The following PCDH15 variants were observed in gnomAD, a reference collection of about 807,000 sequenced individuals.
PCDH15 encodes the protein protocadherin related 15, also known as protocadherin-15.
Under a neutral mutation model 178.5 loss-of-function variants are expected in PCDH15, and 129 were observed. The observed-to-expected ratio is 0.72, with a 90% CI of 0.63 to 0.84. The LOEUF (loss-of-function observed/expected upper bound fraction) is 0.84, where lower values mean the gene tolerates loss of function less well. Among genes scored for constraint, PCDH15 ranks in the 40% least tolerant of loss-of-function variants. The pLI, the probability that PCDH15 is intolerant of heterozygous loss-of-function variation, is 0.00. For missense variants in PCDH15, 2,230 were observed against 2,099.9 expected, an observed-to-expected ratio of 1.06 and a Z score of -1.21; for synonymous variants, 800 against 732.0, an observed-to-expected ratio of 1.09 and a Z score of -1.50.
At chr10:54,996,413 C>G (rs1281141836) in intron 2 of PCDH15, among the ~76,000 whole-genome samples, 1 of 152,084 alleles carries the variant, frequency 6.6e-6, no homozygotes, top group African/African-American at 2.4e-5. Flanking sequence ...AGGAAAACAC[C>G]CTGGCTGTTT....
chr10:55,436,680 C>T (rs1839047248), intron 2 of PCDH15, among the ~76,000 whole-genome samples: 3 of 151,600 alleles, frequency 2.0e-5, no homozygotes, highest in Admixed American at 2.0e-4. Flanking sequence ...ATAAATCTAC[C>T]GATATTAATT....
intron 13 of PCDH15, among the ~76,000 whole-genome samples, chr10:54,157,364 A>G (rs2045267325): frequency 6.6e-6 from 1 of 152,186 alleles, no homozygotes. Context: ...TGCAGGCTCA[A>G]CACCATGTGG....
chr10:54,584,618 T>C (rs2091317226), intron 2 of PCDH15, among the ~76,000 whole-genome samples: 1 of 152,092 alleles, frequency 6.6e-6, no homozygotes, highest in African/African-American at 2.4e-5. Flanking sequence ...TTCAATAATT[T>C]GTTTTTCTCT....
At chr10:54,626,357 C>G (rs931052848) in intron 2 of PCDH15, among the ~76,000 whole-genome samples, 11 of 152,160 alleles carry the variant, frequency 7.2e-5, no homozygotes, top group African/African-American at 2.4e-4. Flanking sequence ...CCTTATACCA[C>G]AGGCCTGGAA....
At chr10:54,961,786 C>T (rs747658739) in intron 2 of PCDH15, among the ~76,000 whole-genome samples, 10 of 152,034 alleles carry the variant, frequency 6.6e-5, no homozygotes, top group Non-Finnish European at 1.2e-4. Context: ...TCTACTCTCA[C>T]TGGGACAACC....
At chr10:54,548,891 T>A (rs1434808061) in intron 2 of PCDH15, among the ~76,000 whole-genome samples, 5 of 151,204 alleles carry the variant, frequency 3.3e-5, no homozygotes, top group Admixed American at 3.3e-4. Context: ...TAATTGCTAG[T>A]GCTAGAATTT....
At chr10:55,600,985 G>A (rs979890792) in intron 2 of PCDH15, among the ~76,000 whole-genome samples, 1 of 151,992 alleles carries the variant, frequency 6.6e-6, no homozygotes, top group African/African-American at 2.4e-5. Context: ...CCTCACTTGA[G>A]GTCTGTGGGT....
intron 28 of PCDH15, among the ~76,000 whole-genome samples, chr10:53,856,114 G>T (rs181225400): frequency 1.3e-5 from 2 of 151,212 alleles, no homozygotes; most frequent in Non-Finnish European, 2.9e-5. Context: ...AATGGAGTTT[G>T]GGGACTCAGG....
chr10:55,089,058 G>A (rs558883640), intron 2 of PCDH15, among the ~76,000 whole-genome samples: 2 of 152,238 alleles, frequency 1.3e-5, no homozygotes, highest in South Asian at 2.1e-4. Flanking sequence ...TTAGCCTGGT[G>A]AAATATGAAG....
intron 17 of PCDH15, among the ~76,000 whole-genome samples, chr10:54,071,435 G>T (rs989839536): frequency 6.6e-6 from 1 of 152,144 alleles, no homozygotes; most frequent in Non-Finnish European, 1.5e-5. Flanking sequence ...GAGAGGATAA[G>T]AGAAGGGATG....
chr10:54,869,338 C>T (rs1953994413), intron 3 of PCDH15, among the ~76,000 whole-genome samples: 1 of 152,050 alleles, frequency 6.6e-6, no homozygotes, highest in African/African-American at 2.4e-5. Flanking sequence ...ACAGCTTTGC[C>T]AACATTATGA....
chr10:54,437,297 A>G (rs2075487078), intron 3 of PCDH15, among the ~76,000 whole-genome samples: 1 of 152,210 alleles, frequency 6.6e-6, no homozygotes, highest in Non-Finnish European at 1.5e-5. Context: ...AATGGGACAA[A>G]TCATTAAACA....
intron 3 of PCDH15, among the ~76,000 whole-genome samples, chr10:54,894,488 C>T (rs772852246): frequency 8.5e-5 from 13 of 152,120 alleles, no homozygotes; most frequent in Admixed American, 3.9e-4. Context: ...GGATACAGCA[C>T]AGGAAAGAAG....
chr10:53,990,736 G>A lies in PCDH15; in HGVS notation c.2868+4913C>T, dbSNP rs182845821. 2.7e-4 allele frequency among the ~76,000 whole-genome samples: 41 copies of A among 152,124 alleles called. No homozygotes were observed. The South Asian group carries it at 3.1e-3, about 12-fold the overall frequency. On this transcript the variant is annotated intron_variant, in intron 21 of 37. Coordinates refer to ENST00000644397, the MANE Select transcript of PCDH15 (RefSeq NM_001384140.1). ...ACTTGAGGAGCCCCTTCAGCCCACC[G>A]CTGCACTGTGGGAGCCCCTCTCTGG...
At chr10:53,896,300 T>A in intron 26 of PCDH15, among the ~76,000 whole-genome samples, 1 of 152,314 alleles carries the variant, frequency 6.6e-6, no homozygotes, top group East Asian at 1.9e-4. Context: ...TAGCTTCAAC[T>A]TTCCTTCTTC....
chr10:55,396,928 G>C (rs1837944485), intron 2 of PCDH15, among the ~76,000 whole-genome samples: 3 of 152,144 alleles, frequency 2.0e-5, no homozygotes, highest in Admixed American at 2.0e-4. Flanking sequence ...TTTTGTATAA[G>C]TAACTGAATC....
intron 8 of PCDH15, among the ~76,000 whole-genome samples, chr10:54,301,963 A>T (rs2060175283): frequency 1.3e-5 from 2 of 152,174 alleles, no homozygotes; most frequent in Non-Finnish European, 2.9e-5. Flanking sequence ...GGTTATAGTG[A>T]CTACACTGTG....
chr10:54,885,108 C>T (rs187736601), intron 3 of PCDH15, among the ~76,000 whole-genome samples: 1 of 152,072 alleles, frequency 6.6e-6, no homozygotes, highest in South Asian at 2.1e-4. Context: ...GCAACCGATA[C>T]AATAAATGAA....
At chr10:54,241,484 G>A (rs1427044994) in intron 8 of PCDH15, among the ~76,000 whole-genome samples, 1 of 152,156 alleles carries the variant, frequency 6.6e-6, no homozygotes, top group African/African-American at 2.4e-5. Flanking sequence ...ACAACCCTCA[G>A]CCTAGTGCCT....
Sources: gnomAD v4.1 joint callset for allele counts (sites outside exome capture counted in the v4.1 genomes callset) on GRCh38, gnomAD v4.1.1 for gene constraint, MANE v1.5 for transcripts, NCBI Gene and HGNC (gene_info 2026-07-23, HGNC 2026-07-21) for gene names.